Variants in SEPTIN7 observed in about 807,000 individuals in gnomAD.
SEPTIN7 encodes the protein septin 7, also known as septin-7.
Under a neutral mutation model 63.3 loss-of-function variants are expected in SEPTIN7, and 10 were observed. That is an observed-to-expected ratio of 0.16 (90% CI 0.10 to 0.27). The LOEUF (loss-of-function observed/expected upper bound fraction) is 0.27, where lower values mean the gene tolerates loss of function less well. Ranked by LOEUF, SEPTIN7 falls within the 10% of genes least tolerant of loss-of-function variation. SEPTIN7 has a pLI of 1.00. For synonymous variants in SEPTIN7, 131 were observed against 165.3 expected (o/e 0.79, Z 1.59); for missense variants, 310 against 521.0 (o/e 0.59, Z 3.94).
intron 10 of SEPTIN7, among the ~76,000 whole-genome samples, chr7:35,887,064 C>T (rs1356211115): frequency 6.6e-6 from 1 of 152,186 alleles, no homozygotes; most frequent in African/African-American, 2.4e-5. Flanking sequence ...GAGAATACAA[C>T]ACTTCAGGCT....
intron 3 of SEPTIN7, among the ~76,000 whole-genome samples, chr7:35,844,609 T>C (rs940638539): frequency 2.2e-4 from 9 of 41,278 alleles, no homozygotes; most frequent in Non-Finnish European, 3.5e-4. Flanking sequence ...TACCTAGTCT[T>C]TTTTTTTTGA....
intron 1 of SEPTIN7, among the ~76,000 whole-genome samples, chr7:35,813,910 ATGTAT>A (rs1788890419): frequency 6.6e-6 from 1 of 152,194 alleles, no homozygotes; most frequent in Non-Finnish European, 1.5e-5. Flanking sequence ...TACATCAATA[ATGTAT>A]TGATATTATA....
intron 10 of SEPTIN7, among the ~76,000 whole-genome samples, chr7:35,889,899 A>G (rs1452857623): frequency 3.3e-5 from 5 of 152,184 alleles, no homozygotes; most frequent in African/African-American, 4.8e-5. Context: ...AGTGGTGAAG[A>G]TGAATGATGG....
In SEPTIN7 at chr7:35,877,427, T is replaced by C. The variant is rs555274503; in HGVS notation, c.513-2396T>C. Reference sequence around the variant, plus strand: ...AAAGGACTGGACTATCTTATTAGTCTTAGGGCCCTAATCCCCCCAGTTTTA... The same window carrying C: ...AAAGGACTGGACTATCTTATTAGTCCTAGGGCCCTAATCCCCCCAGTTTTA... On this transcript the variant is annotated intron_variant, in intron 6 of 13. Coordinates refer to ENST00000350320, the MANE Select transcript of SEPTIN7 (RefSeq NM_001788.6). Among the ~76,000 whole-genome samples, 24 of 152,358 alleles carry C rather than the reference T, an allele frequency of 1.6e-4. No homozygotes were observed. The Middle Eastern group carries it at 0.014, about 86-fold the overall frequency.
intron 4 of SEPTIN7, among the ~76,000 whole-genome samples, chr7:35,867,828 A>G (rs1029381587): frequency 2.7e-5 from 4 of 150,850 alleles, no homozygotes; most frequent in African/African-American, 9.7e-5. Flanking sequence ...TTAGTTGGAA[A>G]CTACGCTGCT....
intron 4 of SEPTIN7, among the ~76,000 whole-genome samples, chr7:35,866,787 T>G (rs1423454116): frequency 2.6e-5 from 4 of 152,334 alleles, no homozygotes; most frequent in Middle Eastern, 3.4e-3. Context: ...CCCTGAGTTA[T>G]ATCTGTGCAT....
At chr7:35,853,683 C>T (rs2116075715) in intron 3 of SEPTIN7, among the ~76,000 whole-genome samples, 1 of 152,220 alleles carries the variant, frequency 6.6e-6, no homozygotes, top group South Asian at 2.1e-4. Context: ...TGTAAAGTGC[C>T]TAGCTCAATG....
chr7:35,849,935 G>A (rs1229856585), intron 3 of SEPTIN7, among the ~76,000 whole-genome samples: 1 of 152,136 alleles, frequency 6.6e-6, no homozygotes, highest in Non-Finnish European at 1.5e-5. Flanking sequence ...TTCCTGTGGG[G>A]CCATCTTTAA....
rs1379271783 is a variant in SEPTIN7 at position 35,879,923 on chromosome 7, C to A, written c.613C>A (p.Gln205Lys). 1.1e-5 allele frequency: 18 copies of A among 1,585,614 alleles called. No individual in the cohort carries two copies. The highest frequency in any genetic ancestry group is 1.5e-5 in the Non-Finnish European group (18 of 1,162,446). The change falls in exon 7 of 14, where the codon CAA becomes AAA. Residue 205 changes from glutamine (Q) to lysine (K), a missense_variant. By Grantham distance (53) the Gln-to-Lys change is moderately conservative. Transcript: ENST00000350320. ...AGACACACTCACACCAGAGGAATGC[C>A]AACAGTTTAAAAAACAGGTGAGCAG... ...KADTLTPEEC[Q>K]QFKKQIMKEI...
chr7:35,866,558 C>T (rs1785815831), intron 4 of SEPTIN7, among the ~76,000 whole-genome samples: 1 of 152,138 alleles, frequency 6.6e-6, no homozygotes, highest in Admixed American at 6.5e-5. Context: ...CTCATATTCT[C>T]ATCCCTGGGC....
chr7:35,824,418 A>T (rs1783399013), intron 1 of SEPTIN7, among the ~76,000 whole-genome samples: 1 of 152,156 alleles, frequency 6.6e-6, no homozygotes, highest in Non-Finnish European at 1.5e-5. Context: ...CCTACTCTGT[A>T]TGCTGTATTT....
intron 3 of SEPTIN7, among the ~76,000 whole-genome samples, chr7:35,845,903 T>C (rs568119893): frequency 1.3e-5 from 2 of 152,260 alleles, no homozygotes; most frequent in Admixed American, 1.3e-4. Context: ...GCCTTTGTTG[T>C]TGAATCAACA....
chr7:35,885,425 A>G (rs1227569726), intron 9 of SEPTIN7, among the ~76,000 whole-genome samples: 2 of 152,160 alleles, frequency 1.3e-5, no homozygotes, highest in East Asian at 1.9e-4. Context: ...AGAACCTGAA[A>G]GTTCTTGGCT....
In SEPTIN7 at chr7:35,872,500, A is replaced by G. The variant is rs17172019; in HGVS notation, c.277-166A>G. Among the ~76,000 whole-genome samples the G allele has an allele frequency of 0.071, 10,769 of 152,182 alleles. 425 individuals are homozygous for G. Among genetic ancestry groups the G allele is most frequent in the South Asian group, 0.18 (865 of 4,818 alleles). On this transcript the variant is annotated intron_variant, in intron 4 of 13. Transcript: ENST00000350320. Reference sequence around the variant, plus strand: ...TTCTTTCAAATAATCTGGATTTCCAATGCCCGCTATCATCAATTCTAAAGG... The same window carrying G: ...TTCTTTCAAATAATCTGGATTTCCAGTGCCCGCTATCATCAATTCTAAAGG...
intron 6 of SEPTIN7, among the ~76,000 whole-genome samples, chr7:35,879,420 A>G (rs931416923): frequency 6.6e-6 from 1 of 152,104 alleles, no homozygotes; most frequent in African/African-American, 2.4e-5. Flanking sequence ...GGTGGGTTGC[A>G]GTGAGCTGAG....
intron 3 of SEPTIN7, among the ~76,000 whole-genome samples, chr7:35,838,809 A>G (rs1222843733): frequency 6.6e-6 from 1 of 152,192 alleles, no homozygotes; most frequent in African/African-American, 2.4e-5. Context: ...GAAATCTTAA[A>G]TCCGTATGGT....
chr7:35,849,698 AC>A (rs1305845307), intron 3 of SEPTIN7, among the ~76,000 whole-genome samples: 1 of 152,136 alleles, frequency 6.6e-6, no homozygotes. Flanking sequence ...GAAAAAATAA[AC>A]CTCTACTTTT....
chr7:35,856,450 A>G (rs1193030384), intron 3 of SEPTIN7, among the ~76,000 whole-genome samples: 2 of 152,174 alleles, frequency 1.3e-5, no homozygotes, highest in African/African-American at 4.8e-5. Flanking sequence ...CCTGTGTGTA[A>G]GACTTTGTTT....
chr7:35,872,645 C>T (rs1354532260), intron 4 of SEPTIN7, 21 bp from the exon 5 acceptor site: 3 of 1,554,420 alleles, frequency 1.9e-6, no homozygotes, highest in African/African-American at 1.4e-5. Flanking sequence ...ATATTAACAT[C>T]TGCACCAATT....
Sources: allele counts gnomAD v4.1 joint callset (sites outside exome capture counted in the v4.1 genomes callset), GRCh38; gene constraint gnomAD v4.1.1; transcripts MANE v1.5; gene names NCBI Gene and HGNC (gene_info 2026-07-23, HGNC 2026-07-21).